PTPN14: variants seen among roughly 807,000 people sequenced by gnomAD.
PTPN14 encodes tyrosine-protein phosphatase non-receptor type 14.
A neutral mutation model predicts 126.8 loss-of-function variants in PTPN14; 53 were observed. That is an observed-to-expected ratio of 0.42 (90% CI 0.34 to 0.53). The LOEUF is 0.53. Among genes scored for constraint, PTPN14 ranks in the 20% least tolerant of loss-of-function variants. PTPN14 has a pLI of 0.08. For synonymous variants in PTPN14, 630 were observed against 599.3 expected (o/e 1.05, Z -0.75); for missense variants, 1,257 against 1,552.9 (o/e 0.81, Z 3.20).
intron 4 of PTPN14, 75 bp from the exon 5 acceptor site, chr1:214,411,826 T>A: frequency 1.1e-6 from 1 of 869,824 alleles, no homozygotes; most frequent in Non-Finnish European, 1.8e-6. Context: ...GGCAAACTCA[T>A]CACTACATTA....
At chr1:214,517,375 G>A (rs933955494) in intron 1 of PTPN14, among the ~76,000 whole-genome samples, 16 of 150,852 alleles carry the variant, frequency 1.1e-4, no homozygotes, top group African/African-American at 3.9e-4. Flanking sequence ...ATGTCTCCTT[G>A]GCACACTAAC....
intron 3 of PTPN14, among the ~76,000 whole-genome samples, chr1:214,436,893 G>A (rs1400214045): frequency 6.6e-6 from 1 of 151,758 alleles, no homozygotes; most frequent in African/African-American, 2.4e-5. Flanking sequence ...AAAATCATGG[G>A]TGTGCTTGTA....
intron 1 of PTPN14, among the ~76,000 whole-genome samples, chr1:214,501,918 G>T (rs1183671764): frequency 2.0e-5 from 3 of 151,986 alleles, no homozygotes; most frequent in African/African-American, 7.2e-5. Context: ...AATTAGCCAG[G>T]CATGGTGGTG....
rs71165970 is a variant in PTPN14, at chr1:214,449,011, C to CTTTTTT, written c.344+2788_344+2793dup. On this transcript the variant is annotated intron_variant, in intron 3 of 18. Coordinates refer to ENST00000366956, the MANE Select transcript of PTPN14 (RefSeq NM_005401.5). Reference sequence around the variant, plus strand: ...TGTGCCCTTGTAAGACTTAATTTTTCTTTTTTTTTTTTTGAGACGGAGTCT... The same window carrying CTTTTTT: ...TGTGCCCTTGTAAGACTTAATTTTTCTTTTTTTTTTTTTTTTTTTGAGACGGAGTCT... Among the ~76,000 whole-genome samples the CTTTTTT allele has an allele frequency of 1.2e-4, 13 of 112,470 alleles. 2 individuals carry two copies. Among genetic ancestry groups the CTTTTTT allele is most frequent in the Admixed American group, 5.0e-4 (5 of 10,002 alleles). The allele number at this position is 112,470 out of a possible 152,430, so 73.8% of individuals were successfully genotyped here.
At position 214,391,075 on chromosome 1, in the gene PTPN14, GTTA is replaced by G. The variant is rs766334228; in HGVS notation, c.930-33_930-31del. 1.8e-5 allele frequency: 27 copies of G among 1,501,402 alleles called. No individual in the cohort carries two copies. In the South Asian group the frequency reaches 3.2e-4, roughly 18 times the overall value. 93.0% of individuals were successfully genotyped at this position (1,501,402 alleles called of 1,614,324 possible). ...ATGAAGAGGTGAAAAAATGAGAATG[GTTA>G]TTATTATTGATATAAAAAGACCAGA... On this transcript the variant is annotated intron_variant, in intron 10 of 18. Coordinates refer to ENST00000366956, the MANE Select transcript of PTPN14 (RefSeq NM_005401.5).
chr1:214,548,459 A>T (rs1656026056), intron 1 of PTPN14, among the ~76,000 whole-genome samples: 1 of 152,220 alleles, frequency 6.6e-6, no homozygotes, highest in South Asian at 2.1e-4. Flanking sequence ...GTTTTCCCTC[A>T]TTCCTTAATT....
At chr1:214,358,411 C>G (rs985482093) in intron 18 of PTPN14, among the ~76,000 whole-genome samples, 1 of 152,064 alleles carries the variant, frequency 6.6e-6, no homozygotes, top group African/African-American at 2.4e-5. Flanking sequence ...GGGTTACAGG[C>G]GTGGGCCACC....
At chr1:214,504,751 A>C (rs1201666845) in intron 1 of PTPN14, among the ~76,000 whole-genome samples, 1 of 152,186 alleles carries the variant, frequency 6.6e-6, no homozygotes, top group Admixed American at 6.5e-5. Context: ...CAATCCCAGG[A>C]TAAGGGCTGG....
chr1:214,448,074 C>A (rs370066630), intron 3 of PTPN14, among the ~76,000 whole-genome samples: 49 of 152,188 alleles, frequency 3.2e-4, no homozygotes, highest in Non-Finnish European at 2.9e-5. Context: ...AATTTAAATA[C>A]CTTTTGTTTT....
intron 3 of PTPN14, among the ~76,000 whole-genome samples, chr1:214,440,113 T>A (rs778056952): frequency 3.3e-5 from 5 of 152,162 alleles, no homozygotes; most frequent in Non-Finnish European, 7.4e-5. Context: ...TCAGCATGCT[T>A]GGTTCACCTA....
chr1:214,497,906 A>ATTCATTTTCTCTCT (rs1654574965), intron 1 of PTPN14, among the ~76,000 whole-genome samples: 1 of 152,200 alleles, frequency 6.6e-6, no homozygotes, highest in Non-Finnish European at 1.5e-5. Flanking sequence ...TTCATTAGAA[A>ATTCATTTTCTCTCT]CACACACGAG....
chr1:214,392,897 C>T (rs1658790739), intron 10 of PTPN14, among the ~76,000 whole-genome samples: 1 of 152,210 alleles, frequency 6.6e-6, no homozygotes, highest in Non-Finnish European at 1.5e-5. Flanking sequence ...TACATACTCT[C>T]GGATGTGTCC....
chr1:214,504,212 A>G (rs941435386), intron 1 of PTPN14, among the ~76,000 whole-genome samples: 1 of 152,126 alleles, frequency 6.6e-6, no homozygotes, highest in Non-Finnish European at 1.5e-5. Context: ...GAAGACCTTT[A>G]TATTACACTC....
chr1:214,460,951 C>T (rs1292770795), intron 2 of PTPN14, among the ~76,000 whole-genome samples: 3 of 151,820 alleles, frequency 2.0e-5, no homozygotes, highest in Non-Finnish European at 1.5e-5. Flanking sequence ...AAACTCCGGA[C>T]TCTGCATGAT....
chr1:214,364,767 G>GTGTGTGTGTA lies in PTPN14; in HGVS notation c.3272-93_3272-92insTACACACACA, dbSNP rs1658041243. The GTGTGTGTGTA allele has an allele frequency of 4.3e-6, 1 of 233,324 alleles. No homozygotes were observed. The highest frequency in any genetic ancestry group is 1.0e-4 in the African/African-American group (1 of 9,678). The allele number at this position is 233,324 out of a possible 1,614,324, so 14.5% of individuals were successfully genotyped here. On this transcript the variant is annotated intron_variant, in intron 17 of 18. Coordinates refer to ENST00000366956, the MANE Select transcript of PTPN14 (RefSeq NM_005401.5). This position sits in a 1 kb window ranked among gnomAD's most constrained non-coding sequence, Gnocchi z 4.1. ...GGGAGCGGAAGAGAACTGATGGTGAGTGTGTGTGTGTGTGTGTGTGTGTGT... is the reference window on the plus strand; with the variant it reads ...GGGAGCGGAAGAGAACTGATGGTGAGTGTGTGTGTATGTGTGTGTGTGTGTGTGTGTGTGT...
intron 7 of PTPN14, among the ~76,000 whole-genome samples, chr1:214,400,912 CTT>C (rs1658999937): frequency 1.3e-5 from 2 of 152,168 alleles, no homozygotes; most frequent in Non-Finnish European, 2.9e-5. Context: ...GAACTGAACA[CTT>C]ATAAAACAGC....
chr1:214,401,344 G>A (rs532170533), intron 7 of PTPN14, among the ~76,000 whole-genome samples: 2 of 152,362 alleles, frequency 1.3e-5, no homozygotes, highest in South Asian at 4.1e-4. Context: ...GAAAACTACT[G>A]ACTAGAGTCT....
At chr1:214,428,429 T>A (rs1180146828) in intron 3 of PTPN14, among the ~76,000 whole-genome samples, 2 of 152,224 alleles carry the variant, frequency 1.3e-5, no homozygotes, top group African/African-American at 4.8e-5. Context: ...AACCTACATA[T>A]TCAAAATAGT....
chr1:214,391,165 A>T (rs1359037956), intron 10 of PTPN14, 120 bp from the exon 11 acceptor site: 1 of 600,846 alleles, frequency 1.7e-6, no homozygotes, highest in Non-Finnish European at 2.6e-6. Flanking sequence ...CAAAACATAA[A>T]CGTGGCTTAT....
Sources: gnomAD v4.1 joint callset for allele counts (sites outside exome capture counted in the v4.1 genomes callset) on GRCh38, gnomAD v4.1.1 for gene constraint, Gnocchi (gnomAD v3.1) non-coding constraint, MANE v1.5 for transcripts, NCBI Gene and HGNC (gene_info 2026-07-23, HGNC 2026-07-21) for gene names.